Variants in UTP18 observed in about 807,000 individuals in gnomAD.
The protein encoded by UTP18 is U3 small nucleolar RNA-associated protein 18 homolog.
Under a neutral mutation model 61.1 loss-of-function variants are expected in UTP18, and 36 were observed. The observed-to-expected ratio is 0.59, with a 90% confidence interval of 0.45 to 0.78. UTP18 has a LOEUF of 0.78. Ranked by LOEUF, UTP18 falls within the 30% of genes least tolerant of loss-of-function variation. The pLI is 0.00. For missense variants in UTP18, 753 were observed against 693.9 expected, an observed-to-expected ratio of 1.09 and a Z score of -0.96; for synonymous variants, 282 against 251.1, an observed-to-expected ratio of 1.12 and a Z score of -1.16.
intron 8 of UTP18, 86 bp from the exon 9 acceptor site, chr17:51,280,303 T>G: frequency 6.8e-7 from 1 of 1,460,340 alleles, no homozygotes; most frequent in South Asian, 1.2e-5. Flanking sequence ...TGCTAGAAAA[T>G]AGAGAACTAG....
intron 11 of UTP18, among the ~76,000 whole-genome samples, chr17:51,291,769 G>A (rs1387390951): frequency 6.6e-6 from 1 of 151,486 alleles, no homozygotes; most frequent in Non-Finnish European, 1.5e-5. Flanking sequence ...GAAAAGAAAA[G>A]TCATTCAGAT....
intron 4 of UTP18, among the ~76,000 whole-genome samples, chr17:51,269,500 G>T (rs1428029618): frequency 3.3e-5 from 5 of 151,976 alleles, no homozygotes; most frequent in African/African-American, 1.2e-4. Flanking sequence ...TTGAAATCCT[G>T]AGAGTCCGGA....
intron 5 of UTP18, among the ~76,000 whole-genome samples, chr17:51,275,481 G>A (rs985229271): frequency 2.0e-5 from 3 of 152,170 alleles, no homozygotes. Context: ...GATGCCAGGT[G>A]CCAAAGTAGA....
intron 2 of UTP18, among the ~76,000 whole-genome samples, chr17:51,265,562 CTT>C (rs10695281): frequency 2.7e-4 from 23 of 85,550 alleles, no homozygotes; most frequent in Admixed American, 1.8e-3. Context: ...CGTGCCCGGC[CTT>C]TTTTTTTTTT....
chr17:51,279,870 G>A (rs1398487843), intron 7 of UTP18, 135 bp from the exon 8 acceptor site: 12 of 693,244 alleles, frequency 1.7e-5, no homozygotes, highest in South Asian at 2.0e-5. Flanking sequence ...AGACTTATTC[G>A]GGGTCTGAGC....
intron 9 of UTP18, among the ~76,000 whole-genome samples, chr17:51,283,288 C>T (rs372141454): frequency 3.3e-5 from 5 of 152,000 alleles, no homozygotes; most frequent in African/African-American, 1.2e-4. Flanking sequence ...CCTGCCTCAG[C>T]CTCCTGGGTA....
rs1312431692 is a variant in UTP18 at position 51,297,640 on chromosome 17, T to C, written c.*15-142T>C. 1.5e-5 allele frequency: 6 copies of C among 390,010 alleles called. No homozygotes were observed. The East Asian group carries it at 5.8e-4, about 38-fold the overall frequency. The allele number at this position is 390,010 out of a possible 1,614,324, so 24.2% of individuals were successfully genotyped here. ...AATTAGGACAAAGGATTTTTAAAGG[T>C]ACAGGCATTTTGGGCAAAGCTTTAG... On this transcript the variant is annotated intron_variant, in intron 13 of 13. Coordinates refer to ENST00000225298, the MANE Select transcript of UTP18 (RefSeq NM_016001.3).
chr17:51,269,592 C>T (rs1904444140), intron 4 of UTP18, among the ~76,000 whole-genome samples: 1 of 152,064 alleles, frequency 6.6e-6, no homozygotes, highest in African/African-American at 2.4e-5. Flanking sequence ...ATGACCACCT[C>T]CTTTGTCCCC....
intron 10 of UTP18, among the ~76,000 whole-genome samples, chr17:51,287,139 T>A (rs2144437747): frequency 6.6e-6 from 1 of 152,308 alleles, no homozygotes; most frequent in Admixed American, 6.5e-5. Context: ...CCTCTCTTTT[T>A]TGTATCACTT....
At chr17:51,281,159 TATA>T (rs1904906281) in intron 9 of UTP18, among the ~76,000 whole-genome samples, 3 of 91,082 alleles carry the variant, frequency 3.3e-5, no homozygotes, top group South Asian at 3.7e-4. Context: ...TATATATATA[TATA>T]TATTTTTTTT....
At chr17:51,262,244 G>T (rs865922657) in intron 1 of UTP18, among the ~76,000 whole-genome samples, 1 of 151,932 alleles carries the variant, frequency 6.6e-6, no homozygotes, top group Non-Finnish European at 1.5e-5. Context: ...ACCACGCCTG[G>T]CTAATTTTTT....
chr17:51,294,965 A>G (rs1022950972), intron 12 of UTP18, among the ~76,000 whole-genome samples: 1 of 152,038 alleles, frequency 6.6e-6, no homozygotes, highest in Admixed American at 6.6e-5. Context: ...GATGATGAGC[A>G]TTTTTTCATG....
chr17:51,262,994 T>G (rs528900625), intron 1 of UTP18, among the ~76,000 whole-genome samples: 4 of 152,386 alleles, frequency 2.6e-5, no homozygotes, highest in African/African-American at 9.6e-5. Context: ...GACTCATCTT[T>G]TGTTCTTGTC....
chr17:51,287,078 A>G (rs2144437603), intron 10 of UTP18, among the ~76,000 whole-genome samples: 1 of 151,786 alleles, frequency 6.6e-6, no homozygotes, highest in Non-Finnish European at 1.5e-5. Flanking sequence ...GGGCAAGAAA[A>G]ACTGCGCAGA....
intron 2 of UTP18, among the ~76,000 whole-genome samples, chr17:51,264,029 T>C (rs2055534784): frequency 1.4e-5 from 2 of 140,922 alleles, no homozygotes; most frequent in African/African-American, 5.4e-5. Context: ...TCTTTTTCCC[T>C]TTTTTTTTTT....
intron 5 of UTP18, 104 bp from the exon 6 acceptor site, chr17:51,275,762 A>G: frequency 8.8e-7 from 1 of 1,134,130 alleles, no homozygotes; most frequent in Non-Finnish European, 1.1e-6. Flanking sequence ...ATTCCAGTGC[A>G]TTTTTTTCCT....
At chr17:51,283,903 C>T (rs1798562082) in intron 9 of UTP18, among the ~76,000 whole-genome samples, 2 of 152,232 alleles carry the variant, frequency 1.3e-5, no homozygotes, top group African/African-American at 4.8e-5. Flanking sequence ...GCATGAGCCA[C>T]CATGCCTGGC....
intron 4 of UTP18, among the ~76,000 whole-genome samples, chr17:51,269,260 A>G (rs576401566): frequency 1.7e-5 from 2 of 116,296 alleles, no homozygotes; most frequent in East Asian, 6.1e-4. Flanking sequence ...GTGCCACCGT[A>G]CTCCAGCCTG....
chr17:51,280,508 G>T (rs762679928), intron 9 of UTP18, 29 bp downstream of exon 9: 1 of 1,609,788 alleles, frequency 6.2e-7, no homozygotes, highest in African/African-American at 1.3e-5. Context: ...AGAAGCTAAG[G>T]ATATTTTTAC....
Sources: allele counts gnomAD v4.1 joint callset (sites outside exome capture counted in the v4.1 genomes callset), GRCh38; gene constraint gnomAD v4.1.1; transcripts MANE v1.5; gene names NCBI Gene and HGNC (gene_info 2026-07-23, HGNC 2026-07-21).